NDUFA3: variants seen among roughly 807,000 people sequenced by gnomAD.
NDUFA3 encodes NADH dehydrogenase [ubiquinone] 1 alpha subcomplex subunit 3.
Under a neutral mutation model 11.4 loss-of-function variants are expected in NDUFA3, and 10 were observed. That is an observed-to-expected ratio of 0.87 (90% CI 0.54 to 1.48). The LOEUF (loss-of-function observed/expected upper bound fraction) is 1.48, where lower values mean the gene tolerates loss of function less well. Among genes scored for constraint, NDUFA3 ranks in the 40% most tolerant of loss-of-function variants. The pLI is 0.00. For missense variants in NDUFA3, 115 were observed against 110.5 expected (o/e 1.04, Z -0.18); for synonymous variants, 39 against 46.9 (o/e 0.83, Z 0.68).
chr19:54,104,161 G>T (rs1375449564), intron 2 of NDUFA3, among the ~76,000 whole-genome samples: 6 of 107,540 alleles, frequency 5.6e-5, no homozygotes, highest in South Asian at 3.0e-4. Flanking sequence ...TTTTTGAGAT[G>T]GCGTCTCGCT....
rs994307515 is a variant in NDUFA3, at chr19:54,107,173, C to A, written c.*271C>A. 4.3e-6 allele frequency: 7 copies of A among 1,612,378 alleles called. No homozygotes were observed. The Admixed American group carries it at 6.7e-5, about 16-fold the overall frequency. ...CAAAGTCTTCCTCAACCTTAATCTG[C>A]AGGAGATAAGGAACAAGGTGTTAAC... is the stretch of plus-strand genomic sequence containing the variant. On this transcript the variant is annotated 3_prime_UTR_variant, in exon 4 of 4. Coordinates refer to ENST00000485876, the MANE Select transcript of NDUFA3 (RefSeq NM_004542.4).
intron 2 of NDUFA3, chr19:54,105,611 A>G (rs1157330704): frequency 1.7e-6 from 1 of 587,370 alleles, no homozygotes. Flanking sequence ...GTCCCATGAC[A>G]CTACCCCCAG....
chr19:54,104,689 G>A (rs1261483332), intron 2 of NDUFA3, among the ~76,000 whole-genome samples: 3 of 151,952 alleles, frequency 2.0e-5, no homozygotes, highest in African/African-American at 7.2e-5. Context: ...ATAATCTTTT[G>A]TTGATTACAT....
intron 2 of NDUFA3, among the ~76,000 whole-genome samples, chr19:54,104,729 T>G (rs1382642063): frequency 1.8e-5 from 2 of 111,594 alleles, no homozygotes; most frequent in South Asian, 2.8e-4. Flanking sequence ...TGTACTATGG[T>G]TTTTTTTGTT....
intron 2 of NDUFA3, chr19:54,105,665 A>G (rs1360283832): frequency 1.5e-6 from 1 of 680,074 alleles, no homozygotes; most frequent in Non-Finnish European, 2.8e-6. Flanking sequence ...TCATTCCATG[A>G]CCAACCCCAC....
At chr19:54,103,016 T>A in intron 1 of NDUFA3, 98 bp from the exon 2 acceptor site, 1 of 1,534,710 alleles carries the variant, frequency 6.5e-7, no homozygotes, top group African/African-American at 1.4e-5. Context: ...AACGCAGAAG[T>A]CACGAGGGGG....
rs587662992 is a variant in NDUFA3, at chr19:54,106,917, A to G, written c.*15A>G. 1.7e-5 allele frequency: 27 copies of G among 1,608,046 alleles called. 1 individual carries two copies. The South Asian group carries it at 2.9e-4, about 17-fold the overall frequency. ...AGAAACTGTGAGCACCTCCACTGAC[A>G]GAGGCGGCCCCTCCCACGGCTCCCA... On this transcript the variant is annotated 3_prime_UTR_variant, in exon 4 of 4. Transcript: ENST00000485876.
chr19:54,103,227 C>T (rs370396692), intron 2 of NDUFA3, 39 bp downstream of exon 2: 17 of 1,552,166 alleles, frequency 1.1e-5, no homozygotes, highest in Non-Finnish European at 7.0e-6. Context: ...CATCGTCCAC[C>T]CCCGTCCCCC....
intron 3 of NDUFA3, chr19:54,106,270 C>G: frequency 4.0e-6 from 2 of 496,190 alleles, no homozygotes; most frequent in East Asian, 7.3e-5. Flanking sequence ...GCGATCTCAG[C>G]TCACTGCAAG....
chr19:54,105,264 C>A (rs117387685), intron 2 of NDUFA3, among the ~76,000 whole-genome samples: 1,901 of 71,482 alleles, frequency 0.027, 84 homozygotes, highest in Middle Eastern at 0.053. Flanking sequence ...GTTTGTAAGG[C>A]TTTTTTTTTT....
intron 3 of NDUFA3, 69 bp downstream of exon 3, chr19:54,106,080 T>A (rs775260816): frequency 2.8e-6 from 4 of 1,449,398 alleles, no homozygotes; most frequent in Non-Finnish European, 3.9e-6. Flanking sequence ...AGGGCAGTTA[T>A]GGGCAGGTCT....
At chr19:54,103,244 C>A (rs995571365) in intron 2 of NDUFA3, 56 bp downstream of exon 2, 2 of 1,515,914 alleles carry the variant, frequency 1.3e-6, no homozygotes, top group African/African-American at 2.8e-5. Flanking sequence ...CCCCTACATC[C>A]CTCCATCTTG....
In NDUFA3 at chr19:54,107,291, C is replaced by CAGG; in HGVS notation, c.*390_*392dup. 7.4e-7 allele frequency: 1 copy of CAGG among 1,357,170 alleles called. No homozygotes were observed. Among genetic ancestry groups the CAGG allele is most frequent in the South Asian group, 1.3e-5 (1 of 74,682 alleles). 84.1% of individuals were successfully genotyped at this position (1,357,170 alleles called of 1,614,324 possible). A position where few individuals can be genotyped will look rare whatever the true frequency, so the allele number is the denominator to read the frequency against. On this transcript the variant is annotated 3_prime_UTR_variant, in exon 4 of 4. Transcript: ENST00000485876. ...AGAGACAGGGTCTCACTCTGTTGCC[C>CAGG]AGGCTGGAGTGCAGTGGTGCCATCA...
At chr19:54,102,983 C>T in intron 1 of NDUFA3, 95 bp downstream of exon 1, 2 of 1,543,226 alleles carry the variant, frequency 1.3e-6, no homozygotes, top group Non-Finnish European at 8.8e-7. Context: ...GGGGTGGAAG[C>T]GATGGGGTCC....
At chr19:54,104,367 A>G (rs2073193328) in intron 2 of NDUFA3, among the ~76,000 whole-genome samples, 1 of 149,762 alleles carries the variant, frequency 6.7e-6, no homozygotes, top group Non-Finnish European at 1.5e-5. Flanking sequence ...TGAACTCCTG[A>G]CCGCAAGTGA....
intron 2 of NDUFA3, among the ~76,000 whole-genome samples, chr19:54,104,255 C>T (rs959447375): frequency 4.7e-5 from 7 of 148,584 alleles, no homozygotes; most frequent in African/African-American, 9.9e-5. Context: ...CTCCTGCCTC[C>T]GCCTCCCAAG....
chr19:54,105,441 G>A (rs766823086), intron 2 of NDUFA3, among the ~76,000 whole-genome samples: 15 of 151,304 alleles, frequency 9.9e-5, no homozygotes, highest in South Asian at 2.1e-4. Context: ...GCTAATTTTC[G>A]TATCTTTAGT....
chr19:54,103,307 C>T, intron 2 of NDUFA3, 119 bp downstream of exon 2: 1 of 986,656 alleles, frequency 1.0e-6, no homozygotes, highest in East Asian at 2.7e-5. Context: ...TGTCTGCACC[C>T]CCACGGCATC....
rs1178866332 is a variant in NDUFA3, at chr19:54,107,068, G to C, written c.*166G>C. On this transcript the variant is annotated 3_prime_UTR_variant, in exon 4 of 4. Transcript: ENST00000485876. ...GCATGCGTCAGTCAGAGGCTGGGCT[G>C]GCCAGGGTCGGGTAGGGCAGCAGTT... 1 of 1,613,868 alleles carries C rather than the reference G, an allele frequency of 6.2e-7. No individual in the cohort carries two copies. Among genetic ancestry groups the C allele is most frequent in the Admixed American group, 1.7e-5 (1 of 59,946 alleles).
Sources: allele counts gnomAD v4.1 joint callset (sites outside exome capture counted in the v4.1 genomes callset), GRCh38; gene constraint gnomAD v4.1.1; transcripts MANE v1.5; gene names NCBI Gene and HGNC (gene_info 2026-07-23, HGNC 2026-07-21).